CEP112: variants seen among roughly 807,000 people sequenced by gnomAD.
CEP112 encodes centrosomal protein 112, also known as centrosomal protein of 112 kDa.
A neutral mutation model predicts 153.0 loss-of-function variants in CEP112; 127 were observed. The ratio of observed to expected loss-of-function variants is 0.83; its 90% confidence interval spans 0.72 to 0.96. CEP112 has a LOEUF of 0.96. Ranked by LOEUF, CEP112 falls within the 40% of genes least tolerant of loss-of-function variation. The probability of loss-of-function intolerance (pLI) is 0.00; values close to 1 mark genes in which losing one functional copy is unlikely to be tolerated. For synonymous variants in CEP112, 358 were observed against 374.4 expected (o/e 0.96, Z 0.51); for missense variants, 1,089 against 1,101.2 (o/e 0.99, Z 0.16).
chr17:65,746,729 C>T (rs542488685), intron 22 of CEP112, among the ~76,000 whole-genome samples: 128 of 152,012 alleles, frequency 8.4e-4, no homozygotes, highest in Non-Finnish European at 1.4e-3. Flanking sequence ...ATTCAGATAA[C>T]CTACCCTTCT....
At chr17:66,047,072 C>T (rs1359141402) in intron 12 of CEP112, among the ~76,000 whole-genome samples, 1 of 152,066 alleles carries the variant, frequency 6.6e-6, no homozygotes, top group African/African-American at 2.4e-5. Flanking sequence ...ATCAAACTGG[C>T]CAACTTTCGG....
intron 7 of CEP112, 123 bp from the exon 8 acceptor site, chr17:66,096,451 A>C: frequency 2.6e-6 from 3 of 1,148,424 alleles, no homozygotes; most frequent in Non-Finnish European, 3.8e-6. Flanking sequence ...GGAAAAAATC[A>C]CTTCCAAGTG....
chr17:65,750,743 T>G lies in CEP112; in HGVS notation c.2395-19A>C. 2.5e-6 allele frequency: 4 copies of G among 1,611,372 alleles called. No homozygotes were observed. Among genetic ancestry groups the G allele is most frequent in the Non-Finnish European group, 3.4e-6 (4 of 1,177,538 alleles). On this transcript the variant is annotated intron_variant, in intron 21 of 26. Transcript: ENST00000535342. ...TGTTGGCCTGAAAAACACATGTACA[T>G]GAACACATACACAGTGACCTGTGAG...
intron 4 of CEP112, among the ~76,000 whole-genome samples, chr17:66,172,874 C>CAG (rs151316926): frequency 0.034 from 5,182 of 152,190 alleles, 131 homozygotes; most frequent in Middle Eastern, 0.061. Flanking sequence ...ATTATACTAC[C>CAG]AGATATAAGG....
intron 21 of CEP112, among the ~76,000 whole-genome samples, chr17:65,799,540 A>G (rs187452197): frequency 1.3e-5 from 2 of 152,298 alleles, no homozygotes; most frequent in East Asian, 3.9e-4. Context: ...TCCAGTTGGG[A>G]AGATGAATCC....
At chr17:65,666,312 A>G (rs983859977) in intron 24 of CEP112, among the ~76,000 whole-genome samples, 1 of 152,170 alleles carries the variant, frequency 6.6e-6, no homozygotes, top group South Asian at 2.1e-4. Flanking sequence ...TTGCTGGTCA[A>G]CCTTTAACTG....
chr17:65,987,568 T>C lies in CEP112; in HGVS notation c.1736+18122A>G, dbSNP rs2063453557. Among the ~76,000 whole-genome samples, 4 of 152,314 alleles carry C rather than the reference T, an allele frequency of 2.6e-5. No homozygotes were observed. The South Asian group carries it at 8.3e-4, about 32-fold the overall frequency. ...ACAAACAGAAAAAAAGAGAATTACA[T>C]CTGATTCAGATTTCTGGTTTCAAAA... On this transcript the variant is annotated intron_variant, in intron 17 of 26. Coordinates refer to ENST00000535342, the MANE Select transcript of CEP112 (RefSeq NM_001199165.4).
intron 8 of CEP112, among the ~76,000 whole-genome samples, chr17:66,091,730 G>T (rs1189509487): frequency 6.6e-6 from 1 of 151,672 alleles, no homozygotes; most frequent in Non-Finnish European, 1.5e-5. Flanking sequence ...AATAGAAAAG[G>T]TCAGTAAAAT....
intron 17 of CEP112, among the ~76,000 whole-genome samples, chr17:65,965,389 T>G (rs916416348): frequency 6.6e-6 from 1 of 152,210 alleles, no homozygotes; most frequent in African/African-American, 2.4e-5. Flanking sequence ...CCCGCCATAC[T>G]GTCTGAACTA....
At chr17:65,924,656 T>C (rs2060856740) in intron 19 of CEP112, among the ~76,000 whole-genome samples, 1 of 152,194 alleles carries the variant, frequency 6.6e-6, no homozygotes, top group Admixed American at 6.5e-5. Flanking sequence ...CTCCTTTCTG[T>C]GGTGATTACT....
At chr17:66,148,517 C>A (rs942216050) in intron 4 of CEP112, among the ~76,000 whole-genome samples, 4 of 152,102 alleles carry the variant, frequency 2.6e-5, no homozygotes, top group African/African-American at 9.7e-5. Context: ...TCATTGGTGT[C>A]TTTTTAGATT....
chr17:65,758,839 TCTA>T, intron 21 of CEP112, among the ~76,000 whole-genome samples: 1 of 152,166 alleles, frequency 6.6e-6, no homozygotes, highest in Non-Finnish European at 1.5e-5. Flanking sequence ...TTTGTAGGCA[TCTA>T]TTTGAACCTT....
chr17:65,939,540 C>A (rs1174862202), intron 18 of CEP112, among the ~76,000 whole-genome samples: 5 of 152,092 alleles, frequency 3.3e-5, no homozygotes, highest in Non-Finnish European at 7.4e-5. Flanking sequence ...GGCACAAGAG[C>A]TGATACATTA....
At chr17:65,690,261 A>G (rs1319092680) in intron 23 of CEP112, among the ~76,000 whole-genome samples, 1 of 151,646 alleles carries the variant, frequency 6.6e-6, no homozygotes, top group Non-Finnish European at 1.5e-5. Flanking sequence ...CTTTTCTACA[A>G]TTTTTTAAAA....
chr17:65,764,659 T>G (rs1366965044), intron 21 of CEP112, among the ~76,000 whole-genome samples: 1 of 152,138 alleles, frequency 6.6e-6, no homozygotes, highest in African/African-American at 2.4e-5. Context: ...ATGTATATCC[T>G]TAAGGCTAAT....
chr17:65,975,076 C>T (rs1207480454), intron 17 of CEP112, among the ~76,000 whole-genome samples: 2 of 151,970 alleles, frequency 1.3e-5, no homozygotes, highest in African/African-American at 4.8e-5. Context: ...AATAAATAAC[C>T]AAATCAACTT....
intron 20 of CEP112, among the ~76,000 whole-genome samples, chr17:65,864,560 C>T (rs2058419776): frequency 6.6e-6 from 1 of 152,172 alleles, no homozygotes; most frequent in Non-Finnish European, 1.5e-5. Context: ...ATGGAAGTGA[C>T]TAACCTTTGG....
chr17:65,990,915 C>G (rs2063572690), intron 17 of CEP112, among the ~76,000 whole-genome samples: 1 of 152,208 alleles, frequency 6.6e-6, no homozygotes, highest in Non-Finnish European at 1.5e-5. Context: ...GGGAACTTCA[C>G]ATTGAACTCA....
Position 66,192,125 on chromosome 17 carries a change from G to A in CEP112, c.-137C>T, listed in dbSNP as rs2073184366. ...GCCGCCGCCCAGCAGCCCGGGGGCGGGGACTTTCGCGCTCGCATTTCCCCG... is the reference window on the plus strand; with the variant it reads ...GCCGCCGCCCAGCAGCCCGGGGGCGAGGACTTTCGCGCTCGCATTTCCCCG... On this transcript the variant is annotated 5_prime_UTR_variant, in exon 1 of 27. Coordinates refer to ENST00000535342, the MANE Select transcript of CEP112 (RefSeq NM_001199165.4). 6.5e-6 allele frequency: 1 copy of A among 152,908 alleles called. No homozygotes were observed. Among genetic ancestry groups the A allele is most frequent in the African/African-American group, 2.4e-5 (1 of 41,446 alleles). 9.5% of individuals were successfully genotyped at this position (152,908 alleles called of 1,614,324 possible).
Sources: allele counts gnomAD v4.1 joint callset (sites outside exome capture counted in the v4.1 genomes callset), GRCh38; gene constraint gnomAD v4.1.1; transcripts MANE v1.5; gene names NCBI Gene and HGNC (gene_info 2026-07-23, HGNC 2026-07-21).